Variants in MTPAP observed in about 807,000 individuals in gnomAD.
The protein encoded by MTPAP is mitochondrial poly(A) polymerase.
A neutral mutation model predicts 48.7 loss-of-function variants in MTPAP; 23 were observed. The observed-to-expected ratio is 0.47, with a 90% CI of 0.34 to 0.67. The LOEUF is 0.67. Among genes scored for constraint, MTPAP ranks in the 30% least tolerant of loss-of-function variants. The pLI is 0.01. For missense variants in MTPAP, 614 were observed against 694.3 expected (o/e 0.88, Z 1.30); for synonymous variants, 257 against 254.1 (o/e 1.01, Z -0.11).
chr10:30,337,109 G>A (rs1834739209), intron 3 of MTPAP, 82 bp from the exon 4 acceptor site: 1 of 1,238,286 alleles, frequency 8.1e-7, no homozygotes, highest in African/African-American at 1.5e-5. Flanking sequence ...TCAAAGATTT[G>A]GTGGCGTTGA....
intron 6 of MTPAP, 62 bp from the exon 7 acceptor site, chr10:30,316,272 T>A: frequency 8.0e-7 from 1 of 1,250,788 alleles, no homozygotes; most frequent in South Asian, 1.2e-5. Flanking sequence ...AGATGGAGTC[T>A]CACTCTGTCA....
chr10:30,316,325 C>T (rs539966526), intron 6 of MTPAP, 115 bp from the exon 7 acceptor site: 1 of 793,048 alleles, frequency 1.3e-6, no homozygotes, highest in South Asian at 1.5e-5. Flanking sequence ...TCAATGCAGC[C>T]TCCACCTCCC....
At chr10:30,340,126 A>C in intron 3 of MTPAP, 100 bp downstream of exon 3, 75 of 983,370 alleles carry the variant, frequency 7.6e-5, no homozygotes, top group Non-Finnish European at 1.1e-4. Flanking sequence ...GAAGATCTAT[A>C]CCCATTAAAC....
chr10:30,333,014 G>C (rs908613162), intron 4 of MTPAP, among the ~76,000 whole-genome samples: 2 of 151,896 alleles, frequency 1.3e-5, no homozygotes, highest in Non-Finnish European at 2.9e-5. Flanking sequence ...CCAGCTACTC[G>C]GGAGGCTGAG....
chr10:30,332,490 C>T (rs887078398), intron 4 of MTPAP, among the ~76,000 whole-genome samples: 2 of 152,052 alleles, frequency 1.3e-5, no homozygotes, highest in African/African-American at 2.4e-5. Flanking sequence ...GACGGGGTTT[C>T]ACTACATTGG....
At chr10:30,315,822 G>A in intron 8 of MTPAP, 141 bp downstream of exon 8, 1 of 953,266 alleles carries the variant, frequency 1.0e-6, no homozygotes, top group South Asian at 1.8e-5. Context: ...TAACTTCTCT[G>A]GACATCAACC....
chr10:30,340,326 T>G lies in MTPAP; in HGVS notation c.455A>C (p.Lys152Thr). 2 of 1,614,192 alleles carry G rather than the reference T, an allele frequency of 1.2e-6. No homozygotes were observed. The highest frequency in any genetic ancestry group is 1.7e-6 in the Non-Finnish European group (2 of 1,180,012). ...IPFRSRFFNL[K>T]LKNQTSERSR... ...CCGTTCAGAAGTCTGGTTTTTCAAC[T>G]TCAGATTGAAGAAACGTGATCTGAA... The change falls in exon 3 of 9, where the codon AAG (lysine) becomes ACG (threonine). Residue 152 changes from lysine (K) to threonine (T), a missense_variant. Lys to Thr is a moderately conservative substitution (Grantham distance 78, BLOSUM62 -1). Transcript: ENST00000263063.
In MTPAP at chr10:30,311,483, AAAGAG is replaced by A. The variant is rs1246216942; in HGVS notation, c.*2121_*2125del. On this transcript the variant is annotated 3_prime_UTR_variant, in exon 9 of 9. Coordinates refer to ENST00000263063, the MANE Select transcript of MTPAP (RefSeq NM_018109.4). ...CCACAAACACCGAAAGGCAACAGTT[AAAGAG>A]AAGTAACATTTACTTCGCGCCAGGA... is the stretch of plus-strand genomic sequence containing the variant. 2 of 152,198 alleles carry A rather than the reference AAAGAG, an allele frequency of 1.3e-5. No homozygotes were observed. Among genetic ancestry groups the A allele is most frequent in the Non-Finnish European group, 2.9e-5 (2 of 68,034 alleles). The allele number at this position is 152,198 out of a possible 1,614,324, so 9.4% of individuals were successfully genotyped here.
At position 30,313,487 on chromosome 10, in the gene MTPAP, G is replaced by T; in HGVS notation, c.*122C>A. On this transcript the variant is annotated 3_prime_UTR_variant, in exon 9 of 9. Transcript: ENST00000263063. Reference sequence around the variant, plus strand: ...ACCAGGTTAAGGGGGCCAATGAGAAGATCATGAAAAGTGACATCAGATGAA... The same window carrying T: ...ACCAGGTTAAGGGGGCCAATGAGAATATCATGAAAAGTGACATCAGATGAA... 7.3e-7 allele frequency: 1 copy of T among 1,378,056 alleles called. No homozygotes were observed. Among genetic ancestry groups the T allele is most frequent in the Non-Finnish European group, 1.0e-6 (1 of 978,840 alleles). The allele number at this position is 1,378,056 out of a possible 1,614,324, so 85.4% of individuals were successfully genotyped here.
At chr10:30,338,569 G>A (rs1300393247) in intron 3 of MTPAP, among the ~76,000 whole-genome samples, 3 of 151,796 alleles carry the variant, frequency 2.0e-5, no homozygotes, top group Non-Finnish European at 2.9e-5. Flanking sequence ...CTGCTACTTG[G>A]GAGGCTGAGG....
At chr10:30,334,410 C>T (rs149578547) in intron 4 of MTPAP, among the ~76,000 whole-genome samples, 2,132 of 152,188 alleles carry the variant, frequency 0.014, 52 homozygotes, top group African/African-American at 0.047. Context: ...CCTGTAATCC[C>T]AGCACTTCGG....
intron 4 of MTPAP, among the ~76,000 whole-genome samples, chr10:30,327,544 T>TA (rs1564520717): frequency 2.7e-4 from 37 of 136,342 alleles, no homozygotes; most frequent in African/African-American, 1.0e-3. Flanking sequence ...ATAAATAAAT[T>TA]ACTAAAACTC....
intron 4 of MTPAP, among the ~76,000 whole-genome samples, chr10:30,332,332 G>A (rs935953160): frequency 3.9e-5 from 6 of 152,060 alleles, no homozygotes; most frequent in South Asian, 2.1e-4. Flanking sequence ...TTGCTATTTC[G>A]CCCAGGCTGG....
chr10:30,319,067 G>A (rs1840693104), intron 6 of MTPAP, among the ~76,000 whole-genome samples: 1 of 131,216 alleles, frequency 7.6e-6, no homozygotes. Context: ...GGGGTGGCTG[G>A]GAGGGGGAGG....
chr10:30,324,017 C>T (rs1218214549), intron 5 of MTPAP, among the ~76,000 whole-genome samples: 3 of 151,982 alleles, frequency 2.0e-5, no homozygotes, highest in Non-Finnish European at 4.4e-5. Context: ...ACTGTCTCTA[C>T]AAAAAATACA....
intron 4 of MTPAP, among the ~76,000 whole-genome samples, chr10:30,331,153 C>T (rs1048128098): frequency 6.6e-6 from 1 of 152,120 alleles, no homozygotes; most frequent in African/African-American, 2.4e-5. Flanking sequence ...GAAAGATATT[C>T]TCAAAAATGA....
At chr10:30,338,299 TTAACA>T (rs935425936) in intron 3 of MTPAP, among the ~76,000 whole-genome samples, 15 of 60,140 alleles carry the variant, frequency 2.5e-4, no homozygotes, top group African/African-American at 4.3e-4. Context: ...CAACATAACA[TTAACA>T]TAACAACATA....
intron 6 of MTPAP, among the ~76,000 whole-genome samples, chr10:30,316,945 TA>T (rs1216762137): frequency 6.6e-6 from 1 of 152,218 alleles, no homozygotes; most frequent in Non-Finnish European, 1.5e-5. Context: ...ATTCTTTATT[TA>T]AATCACAGAT....
rs1840622849 is a variant in MTPAP at position 30,313,482 on chromosome 10, G to A, written c.*127C>T. 6 of 1,336,516 alleles carry A rather than the reference G, an allele frequency of 4.5e-6. No homozygotes were observed. The highest frequency in any genetic ancestry group is 6.4e-6 in the Non-Finnish European group (6 of 942,418). 82.8% of individuals were successfully genotyped at this position (1,336,516 alleles called of 1,614,324 possible). A position where few individuals can be genotyped will look rare whatever the true frequency, so the allele number is the denominator to read the frequency against. ...TTCAGACCAGGTTAAGGGGGCCAAT[G>A]AGAAGATCATGAAAAGTGACATCAG... On this transcript the variant is annotated 3_prime_UTR_variant, in exon 9 of 9. Coordinates refer to ENST00000263063, the MANE Select transcript of MTPAP (RefSeq NM_018109.4).
Sources: allele counts gnomAD v4.1 joint callset (sites outside exome capture counted in the v4.1 genomes callset), GRCh38; gene constraint gnomAD v4.1.1; transcripts MANE v1.5; gene names NCBI Gene and HGNC (gene_info 2026-07-23, HGNC 2026-07-21).